ENTHD1: variants seen among roughly 807,000 people sequenced by gnomAD.
The protein encoded by ENTHD1 is ENTH domain containing 1.
Under a neutral mutation model 39.1 loss-of-function variants are expected in ENTHD1, and 23 were observed. The observed-to-expected ratio is 0.59, with a 90% confidence interval of 0.42 to 0.83. The LOEUF (loss-of-function observed/expected upper bound fraction) is 0.83. ENTHD1 is among the 40% of genes least tolerant of loss of function. The pLI is 0.00. For missense variants in ENTHD1, 624 were observed against 705.4 expected (o/e 0.88, Z 1.31); for synonymous variants, 230 against 258.2 (o/e 0.89, Z 1.05).
intron 3 of ENTHD1, among the ~76,000 whole-genome samples, chr22:39,847,770 A>G (rs2066002301): frequency 6.6e-6 from 1 of 152,184 alleles, no homozygotes; most frequent in African/African-American, 2.4e-5. Context: ...AAGCACAGAA[A>G]ATAAAAGGTA....
At position 39,765,626 on chromosome 22, in the gene ENTHD1, A is replaced by G. The variant is rs764727524; in HGVS notation, c.833-17T>C. 6.4e-7 allele frequency: 1 copy of G among 1,567,900 alleles called. No individual in the cohort carries two copies. Among genetic ancestry groups the G allele is most frequent in the Admixed American group, 2.0e-5 (1 of 50,346 alleles). ...GCACAGCATCTATAAAAGAACAAATAAGAGCTATAATCAAAAAATAAAACT... is the reference window on the plus strand; with the variant it reads ...GCACAGCATCTATAAAAGAACAAATGAGAGCTATAATCAAAAAATAAAACT... On this transcript the variant is annotated splice_polypyrimidine_tract_variant and intron_variant, in intron 5 of 6. Transcript: ENST00000325157.
chr22:39,767,441 T>C (rs576864586), intron 5 of ENTHD1, among the ~76,000 whole-genome samples: 7 of 152,144 alleles, frequency 4.6e-5, no homozygotes, highest in African/African-American at 9.6e-5. Flanking sequence ...CTGGGCAACA[T>C]TGTGAGACCC....
intron 4 of ENTHD1, among the ~76,000 whole-genome samples, chr22:39,822,591 A>G (rs1490134836): frequency 6.6e-6 from 1 of 152,184 alleles, no homozygotes; most frequent in Non-Finnish European, 1.5e-5. Context: ...CAAAAAACAG[A>G]TGTGAATGTA....
intron 3 of ENTHD1, among the ~76,000 whole-genome samples, chr22:39,857,440 T>G (rs1302395340): frequency 4.1e-5 from 3 of 73,414 alleles, no homozygotes; most frequent in Admixed American, 2.0e-4. Context: ...TGAAACTCCG[T>G]CTCAAAAAAA....
intron 5 of ENTHD1, among the ~76,000 whole-genome samples, chr22:39,777,458 T>C (rs1301127029): frequency 2.0e-5 from 3 of 152,144 alleles, no homozygotes; most frequent in East Asian, 3.8e-4. Flanking sequence ...TCATGACATA[T>C]AATTGTAGTG....
At chr22:39,818,005 T>C (rs2065746662) in intron 5 of ENTHD1, among the ~76,000 whole-genome samples, 1 of 152,240 alleles carries the variant, frequency 6.6e-6, no homozygotes, top group Non-Finnish European at 1.5e-5. Context: ...GGGGGGTCTA[T>C]GTCCCCACCC....
At chr22:39,870,278 G>T (rs2066231404) in intron 2 of ENTHD1, among the ~76,000 whole-genome samples, 1 of 151,870 alleles carries the variant, frequency 6.6e-6, no homozygotes, top group Admixed American at 6.6e-5. Context: ...CAAAGTGATG[G>T]GATTACAGGT....
At chr22:39,804,857 G>T (rs1380677394) in intron 5 of ENTHD1, among the ~76,000 whole-genome samples, 1 of 152,188 alleles carries the variant, frequency 6.6e-6, no homozygotes, top group Non-Finnish European at 1.5e-5. Flanking sequence ...AACAGATAAA[G>T]ATTTGGGAAG....
chr22:39,871,222 C>T (rs577829642), intron 2 of ENTHD1, among the ~76,000 whole-genome samples: 2 of 142,354 alleles, frequency 1.4e-5, no homozygotes, highest in South Asian at 2.3e-4. Context: ...TAAATAAATA[C>T]GGACCTTCCT....
At chr22:39,790,377 G>A (rs1397543422) in intron 5 of ENTHD1, among the ~76,000 whole-genome samples, 6 of 152,130 alleles carry the variant, frequency 3.9e-5, no homozygotes, top group East Asian at 1.9e-4. Context: ...GACATGTTTC[G>A]AAGGTAGAGC....
chr22:39,820,438 TGA>T (rs1264623638), intron 5 of ENTHD1, among the ~76,000 whole-genome samples: 2 of 152,126 alleles, frequency 1.3e-5, no homozygotes, highest in African/African-American at 4.8e-5. Context: ...CATTGAAAAT[TGA>T]GAGTTCATGG....
intron 1 of ENTHD1, among the ~76,000 whole-genome samples, chr22:39,890,164 T>C (rs2146785005): frequency 6.6e-6 from 1 of 151,578 alleles, no homozygotes; most frequent in Non-Finnish European, 1.5e-5. Flanking sequence ...GAAAATGTAT[T>C]AAATATCTGT....
rs147006708 is a variant in ENTHD1 at position 39,777,915 on chromosome 22, G to T, written c.833-12306C>A. 2.6e-3 allele frequency among the ~76,000 whole-genome samples: 395 copies of T among 152,326 alleles called. 1 individual carries two copies. Among genetic ancestry groups the T allele is most frequent in the African/African-American group, 9.1e-3 (377 of 41,576 alleles). Reference sequence around the variant, plus strand: ...TTCCGCTAGTGAGAGTTTCAACGGAGCCTGGTCTCTGGTATGTGGATGGTC... The same window carrying T: ...TTCCGCTAGTGAGAGTTTCAACGGATCCTGGTCTCTGGTATGTGGATGGTC... On this transcript the variant is annotated intron_variant, in intron 5 of 6. Transcript: ENST00000325157.
intron 3 of ENTHD1, among the ~76,000 whole-genome samples, chr22:39,850,150 A>C (rs1035764503): frequency 6.6e-6 from 1 of 152,168 alleles, no homozygotes; most frequent in Non-Finnish European, 1.5e-5. Flanking sequence ...CATGTCCTTC[A>C]CCTATCAATA....
intron 5 of ENTHD1, among the ~76,000 whole-genome samples, chr22:39,787,968 A>C (rs2065473060): frequency 6.6e-6 from 1 of 152,154 alleles, no homozygotes; most frequent in African/African-American, 2.4e-5. Flanking sequence ...AAAAATTCTA[A>C]GGCCCTTAAG....
At chr22:39,856,207 G>C (rs2066084287) in intron 3 of ENTHD1, among the ~76,000 whole-genome samples, 1 of 149,576 alleles carries the variant, frequency 6.7e-6, no homozygotes, top group African/African-American at 2.5e-5. Flanking sequence ...CTGGGAGGCA[G>C]AGGTTGCGGT....
intron 5 of ENTHD1, among the ~76,000 whole-genome samples, chr22:39,767,496 G>A (rs1472949696): frequency 2.0e-5 from 3 of 151,882 alleles, no homozygotes; most frequent in South Asian, 2.1e-4. Context: ...ACACCCAAAC[G>A]AATATATTCC....
At chr22:39,878,361 AAAG>A (rs1168084046) in intron 2 of ENTHD1, among the ~76,000 whole-genome samples, 2 of 152,344 alleles carry the variant, frequency 1.3e-5, no homozygotes, top group East Asian at 1.9e-4. Flanking sequence ...GGAAATTAAC[AAAG>A]AAGAGAGACA....
At chr22:39,848,309 A>G (rs1026732040) in intron 3 of ENTHD1, among the ~76,000 whole-genome samples, 3 of 150,186 alleles carry the variant, frequency 2.0e-5, no homozygotes, top group African/African-American at 7.4e-5. Context: ...GCTGGAGTGC[A>G]GTGGCACAAT....
Sources: allele counts gnomAD v4.1 joint callset (sites outside exome capture counted in the v4.1 genomes callset), GRCh38; gene constraint gnomAD v4.1.1; transcripts MANE v1.5; gene names NCBI Gene and HGNC (gene_info 2026-07-23, HGNC 2026-07-21).